The following RAB5A variants were observed in gnomAD, a reference collection of about 807,000 sequenced individuals.
RAB5A encodes the protein ras-related protein Rab-5A.
A neutral mutation model predicts 25.7 loss-of-function variants in RAB5A; 8 were observed. That is an observed-to-expected ratio of 0.31 (90% CI 0.18 to 0.56). The LOEUF is 0.56. Among genes scored for constraint, RAB5A ranks in the 20% least tolerant of loss-of-function variants. The pLI is 0.91. For synonymous variants in RAB5A, 98 were observed against 89.8 expected, an observed-to-expected ratio of 1.09 and a Z score of -0.52; for missense variants, 192 against 259.7, an observed-to-expected ratio of 0.74 and a Z score of 1.79.
intron 4 of RAB5A, among the ~76,000 whole-genome samples, chr3:19,976,541 TG>T (rs1696827358): frequency 1.3e-5 from 2 of 152,038 alleles, no homozygotes; most frequent in South Asian, 4.1e-4. Context: ...CAAAATTAGC[TG>T]GAGATGGTAG....
intron 2 of RAB5A, among the ~76,000 whole-genome samples, chr3:19,952,251 C>T (rs1186665348): frequency 6.6e-6 from 1 of 152,150 alleles, no homozygotes; most frequent in Non-Finnish European, 1.5e-5. Context: ...TCTTTTGGGC[C>T]TCTGTTTCAT....
At chr3:19,970,381 TCTGTGG>T (rs1696727754) in intron 2 of RAB5A, among the ~76,000 whole-genome samples, 1 of 152,168 alleles carries the variant, frequency 6.6e-6, no homozygotes, top group African/African-American at 2.4e-5. Context: ...GATTCCAGGG[TCTGTGG>T]TAAAGTAATT....
At position 19,984,260 on chromosome 3, in the gene RAB5A, C is replaced by A; in HGVS notation, c.*437C>A. On this transcript the variant is annotated 3_prime_UTR_variant, in exon 6 of 6. Transcript: ENST00000273047. The stretch of plus-strand genomic sequence containing the variant: ...TTCTAAAGTTATTTATGATGCTTAG[C>A]CATAGTATTCAGGCAAATGTTCATT... 1 of 429,552 alleles carries A rather than the reference C, an allele frequency of 2.3e-6. No individual in the cohort carries two copies. Among genetic ancestry groups the A allele is most frequent in the African/African-American group, 2.1e-5 (1 of 47,870 alleles). The allele number at this position is 429,552 out of a possible 1,614,324, so 26.6% of individuals were successfully genotyped here.
intron 4 of RAB5A, 43 bp downstream of exon 4, chr3:19,976,212 G>T: frequency 6.4e-7 from 1 of 1,574,796 alleles, no homozygotes; most frequent in Non-Finnish European, 8.6e-7. Flanking sequence ...CTTTTTTCCT[G>T]TATGTTTTTC....
chr3:19,949,117 G>A (rs1696382983), intron 1 of RAB5A, among the ~76,000 whole-genome samples: 1 of 152,152 alleles, frequency 6.6e-6, no homozygotes, highest in African/African-American at 2.4e-5. Flanking sequence ...GTATAGCCAG[G>A]ATTACACCCC....
Position 19,984,778 on chromosome 3 carries a change from TA to T in RAB5A, c.*959del, listed in dbSNP as rs1199823371. The T allele has an allele frequency of 1.3e-5, 2 of 153,048 alleles. No individual in the cohort carries two copies. Among genetic ancestry groups the T allele is most frequent in the African/African-American group, 4.8e-5 (2 of 41,440 alleles). The allele number at this position is 153,048 out of a possible 1,614,324, so 9.5% of individuals were successfully genotyped here. On this transcript the variant is annotated 3_prime_UTR_variant, in exon 6 of 6. Transcript: ENST00000273047. ...TTTTCTGTAATATTTAAGAGTTGCT[TA>T]AAAGCATACAAAATGTACTGTTACT...
chr3:19,967,464 A>C (rs1696677741), intron 2 of RAB5A, among the ~76,000 whole-genome samples: 1 of 152,032 alleles, frequency 6.6e-6, no homozygotes, highest in Non-Finnish European at 1.5e-5. Flanking sequence ...TTTTCTAATC[A>C]GGTTTTTTGT....
At chr3:19,967,307 G>A (rs1696675174) in intron 2 of RAB5A, among the ~76,000 whole-genome samples, 1 of 152,088 alleles carries the variant, frequency 6.6e-6, no homozygotes, top group Admixed American at 6.6e-5. Context: ...ACCACGTCCA[G>A]CTGATTTTTG....
intron 2 of RAB5A, among the ~76,000 whole-genome samples, chr3:19,973,566 CAT>C (rs1559491338): frequency 1.3e-5 from 2 of 152,074 alleles, no homozygotes; most frequent in East Asian, 1.9e-4. Context: ...CAAAAAGTGA[CAT>C]AGTGCTGTCT....
At chr3:19,962,003 C>T (rs532885520) in intron 2 of RAB5A, among the ~76,000 whole-genome samples, 26 of 152,330 alleles carry the variant, frequency 1.7e-4, no homozygotes, top group Admixed American at 1.0e-3. Flanking sequence ...TCACTCTGAT[C>T]TTTTCCTTGC....
chr3:19,964,321 T>C (rs939006428), intron 2 of RAB5A, among the ~76,000 whole-genome samples: 2 of 152,268 alleles, frequency 1.3e-5, no homozygotes, highest in African/African-American at 4.8e-5. Flanking sequence ...ACCTTTTCTC[T>C]GTTGATATTT....
Position 19,952,584 on chromosome 3 carries a change from T to C in RAB5A, c.163+1523T>C, listed in dbSNP as rs1387681340. 2.0e-5 allele frequency among the ~76,000 whole-genome samples: 3 copies of C among 152,344 alleles called. No individual in the cohort carries two copies. In the East Asian group the frequency reaches 5.8e-4, roughly 29 times the overall value. ...ATTCTAGTAAGATAAGTTACAGAAG[T>C]CTACTACCTCCTGGCCTTTGTATAT... On this transcript the variant is annotated intron_variant, in intron 2 of 5. Coordinates refer to ENST00000273047, the MANE Select transcript of RAB5A (RefSeq NM_004162.5).
At chr3:19,981,757 C>T (rs771462233) in intron 5 of RAB5A, among the ~76,000 whole-genome samples, 13 of 152,098 alleles carry the variant, frequency 8.5e-5, no homozygotes, top group Non-Finnish European at 1.9e-4. Context: ...AGAACAGCCA[C>T]TAGCTGTATA....
intron 5 of RAB5A, among the ~76,000 whole-genome samples, chr3:19,980,765 C>T (rs1377116188): frequency 1.3e-5 from 2 of 152,094 alleles, no homozygotes; most frequent in African/African-American, 4.8e-5. Flanking sequence ...GGAGATTTAC[C>T]ATTATAATGC....
At chr3:19,970,537 C>T (rs528800538) in intron 2 of RAB5A, 3 of 456,632 alleles carry the variant, frequency 6.6e-6, no homozygotes, top group East Asian at 7.0e-5. Context: ...TACTTGTCAT[C>T]GCGTACACAG....
intron 2 of RAB5A, chr3:19,951,338 C>G (rs1696419199): frequency 3.5e-6 from 1 of 282,378 alleles, no homozygotes; most frequent in South Asian, 8.5e-5. Context: ...AACATTTGAC[C>G]TGATACCTAT....
intron 3 of RAB5A, 145 bp downstream of exon 3, chr3:19,975,897 A>T (rs940934497): frequency 1.6e-5 from 20 of 1,269,710 alleles, no homozygotes; most frequent in Admixed American, 3.0e-5. Flanking sequence ...ATCTGGTTTT[A>T]AAAAAAAACG....
chr3:19,977,803 A>G (rs1248519342), intron 4 of RAB5A, among the ~76,000 whole-genome samples: 1 of 152,264 alleles, frequency 6.6e-6, no homozygotes, highest in Non-Finnish European at 1.5e-5. Flanking sequence ...ACAAAAATGT[A>G]GGGCAGTGAT....
chr3:19,957,148 C>T (rs1408935737), intron 2 of RAB5A, among the ~76,000 whole-genome samples: 9 of 147,246 alleles, frequency 6.1e-5, no homozygotes, highest in Non-Finnish European at 4.4e-5. Flanking sequence ...AAGCTGGTCT[C>T]AAACTCCTGG....
Sources: allele counts gnomAD v4.1 joint callset (sites outside exome capture counted in the v4.1 genomes callset), GRCh38; gene constraint gnomAD v4.1.1; transcripts MANE v1.5; gene names NCBI Gene and HGNC (gene_info 2026-07-23, HGNC 2026-07-21).